Variants in BRWD3 observed in about 807,000 individuals in gnomAD.
The protein encoded by BRWD3 is bromodomain and WD repeat domain containing 3.
BRWD3 carries 10 observed loss-of-function variants against 149.7 expected under a neutral mutation model. That is an observed-to-expected ratio of 0.07 (90% CI 0.04 to 0.11). The LOEUF is 0.11. Among genes scored for constraint, BRWD3 ranks in the 10% least tolerant of loss-of-function variants. BRWD3 has a pLI of 1.00. For missense variants in BRWD3, 940 were observed against 1,373.2 expected, an observed-to-expected ratio of 0.68 and a Z score of 4.99; for synonymous variants, 504 against 456.7, an observed-to-expected ratio of 1.10 and a Z score of -1.32.
At chrX:80,759,287 G>C (rs1320290254) in intron 6 of BRWD3, among the ~76,000 whole-genome samples, 1 of 111,918 alleles carries the variant, frequency 8.9e-6, no homozygotes, top group Non-Finnish European at 1.9e-5. Context: ...GGTTAAAGCT[G>C]AGTTCACCAT....
intron 6 of BRWD3, among the ~76,000 whole-genome samples, chrX:80,767,990 G>A (rs1569280025): frequency 9.0e-6 from 1 of 111,456 alleles, no homozygotes; most frequent in Non-Finnish European, 1.9e-5. Flanking sequence ...ATCAGTGACT[G>A]AAGATCAAAT....
intron 8 of BRWD3, among the ~76,000 whole-genome samples, chrX:80,736,800 C>A (rs982373386): frequency 9.0e-6 from 1 of 111,013 alleles, no homozygotes; most frequent in African/African-American, 3.3e-5. Flanking sequence ...TTTTACATAT[C>A]CTCAGAAAAG....
At chrX:80,725,109 T>C in intron 14 of BRWD3, 42 bp from the exon 15 acceptor site, 1 of 1,184,831 alleles carries the variant, frequency 8.4e-7, no homozygotes. Flanking sequence ...CAACACGAAA[T>C]GTTTGGTTCA....
intron 21 of BRWD3, among the ~76,000 whole-genome samples, chrX:80,708,387 C>A (rs2072900291): frequency 1.1e-5 from 1 of 93,968 alleles, no homozygotes; most frequent in Non-Finnish European, 2.0e-5. Context: ...CAGAACAAGA[C>A]TCTTGTCTTT....
intron 6 of BRWD3, among the ~76,000 whole-genome samples, chrX:80,764,456 C>T (rs2073835919): frequency 9.2e-6 from 1 of 108,795 alleles, no homozygotes; most frequent in South Asian, 3.9e-4. Context: ...CAGGCACCTG[C>T]CACCACGCCT....
chrX:80,748,546 A>G (rs1297894583), intron 6 of BRWD3, among the ~76,000 whole-genome samples: 1 of 112,020 alleles, frequency 8.9e-6, no homozygotes, highest in East Asian at 2.8e-4. Flanking sequence ...AAGACTTTTT[A>G]TTACCGACTC....
rs530159723 is a variant in BRWD3, at chrX:80,716,642, T to C, written c.2232-392A>G. On this transcript the variant is annotated intron_variant, in intron 19 of 40. Transcript: ENST00000373275. ...ATGTTTATCCACGTTGTAGCAGGTATCAGAACATCATTCTTTTCTGTAGCT... is the reference window on the plus strand; with the variant it reads ...ATGTTTATCCACGTTGTAGCAGGTACCAGAACATCATTCTTTTCTGTAGCT... Among the ~76,000 whole-genome samples the C allele has an allele frequency of 5.3e-5, 6 of 112,376 alleles. No homozygotes were observed. In the South Asian group the frequency reaches 2.2e-3, roughly 41 times the overall value.
chrX:80,734,282 TC>T (rs2073373408), intron 10 of BRWD3, 64 bp from the exon 11 acceptor site: 1 of 729,698 alleles, frequency 1.4e-6, no homozygotes, highest in Middle Eastern at 3.7e-4. Flanking sequence ...TCTCATTACT[TC>T]CTTAGTTGTA....
intron 6 of BRWD3, among the ~76,000 whole-genome samples, chrX:80,780,434 T>C (rs1304936374): frequency 9.0e-6 from 1 of 111,600 alleles, no homozygotes; most frequent in Non-Finnish European, 1.9e-5. Context: ...CTAATATTAC[T>C]ACAATACTGA....
chrX:80,719,795 C>A, intron 17 of BRWD3, 139 bp from the exon 18 acceptor site: 1 of 604,025 alleles, frequency 1.7e-6, no homozygotes, highest in Non-Finnish European at 2.6e-6. Context: ...TCAAATGAAA[C>A]ATTTGTAAAT....
chrX:80,790,056 C>G (rs1250591493), intron 6 of BRWD3, among the ~76,000 whole-genome samples: 1 of 107,600 alleles, frequency 9.3e-6, no homozygotes, highest in Non-Finnish European at 1.9e-5. Context: ...TGTGGTGGTG[C>G]ATGCCTGTAA....
At chrX:80,787,948 G>A (rs1183338052) in intron 6 of BRWD3, among the ~76,000 whole-genome samples, 1 of 109,501 alleles carries the variant, frequency 9.1e-6, no homozygotes, top group Non-Finnish European at 1.9e-5. Context: ...GCTGGGCGTG[G>A]TGGCGGGCGC....
At chrX:80,743,744 T>C (rs994152012) in intron 8 of BRWD3, 5 of 267,636 alleles carry the variant, frequency 1.9e-5, no homozygotes, top group African/African-American at 1.4e-4. Context: ...GGAAAGAGTG[T>C]GCTCTTAAGG....
intron 26 of BRWD3, 59 bp from the exon 27 acceptor site, chrX:80,696,049 A>C: frequency 1.0e-6 from 1 of 998,665 alleles, no homozygotes; most frequent in South Asian, 2.0e-5. Flanking sequence ...ATATGTTACT[A>C]AATGTCCAAG....
intron 12 of BRWD3, among the ~76,000 whole-genome samples, chrX:80,731,371 T>C (rs774883715): frequency 9.0e-5 from 10 of 111,575 alleles, no homozygotes; most frequent in Non-Finnish European, 1.9e-4. Flanking sequence ...AAATTTAGGT[T>C]CTTCCATCAT....
At chrX:80,739,674 G>C (rs1281822325) in intron 8 of BRWD3, among the ~76,000 whole-genome samples, 1 of 111,799 alleles carries the variant, frequency 8.9e-6, no homozygotes, top group African/African-American at 3.2e-5. Flanking sequence ...AAGACCTCCA[G>C]TGGATGCCTG....
rs957926848 is a variant in BRWD3, at chrX:80,745,438, C to A, written c.591+131G>T. Reference sequence around the variant, plus strand: ...AAAATGAGAAACTTTTTTCAATTTCCACTCATCTTTTTCTGCACCCATATA... The same window carrying A: ...AAAATGAGAAACTTTTTTCAATTTCAACTCATCTTTTTCTGCACCCATATA... On this transcript the variant is annotated intron_variant, in intron 7 of 40. Coordinates refer to ENST00000373275, the MANE Select transcript of BRWD3 (RefSeq NM_153252.5). 25 of 512,105 alleles carry A rather than the reference C, an allele frequency of 4.9e-5. No homozygotes were observed. The African/African-American group carries it at 5.6e-4, about 11-fold the overall frequency. The allele number at this position is 512,105 out of a possible 1,213,427, so 42.2% of individuals were successfully genotyped here.
At chrX:80,789,143 A>G (rs1165264213) in intron 6 of BRWD3, among the ~76,000 whole-genome samples, 1 of 112,216 alleles carries the variant, frequency 8.9e-6, no homozygotes. Flanking sequence ...TAAATCTGTC[A>G]TACCAAGAAA....
chrX:80,756,518 A>AAG (rs2147807218), intron 6 of BRWD3, among the ~76,000 whole-genome samples: 1 of 107,694 alleles, frequency 9.3e-6, no homozygotes, highest in East Asian at 2.9e-4. Flanking sequence ...AAAAAAAAAA[A>AAG]AAAAAAAGAA....
Sources: gnomAD v4.1 joint callset for allele counts (sites outside exome capture counted in the v4.1 genomes callset) on GRCh38, gnomAD v4.1.1 for gene constraint, MANE v1.5 for transcripts, NCBI Gene and HGNC (gene_info 2026-07-23, HGNC 2026-07-21) for gene names.